Variants in BRINP1 observed in about 807,000 individuals in gnomAD.
BRINP1 encodes the protein BMP/retinoic acid-inducible neural-specific protein 1.
A neutral mutation model predicts 72.9 loss-of-function variants in BRINP1; 17 were observed. That is an observed-to-expected ratio of 0.23 (90% CI 0.16 to 0.35). BRINP1 has a LOEUF of 0.35. BRINP1 is among the 10% of genes least tolerant of loss of function. The pLI is 1.00. For synonymous variants in BRINP1, 418 were observed against 378.5 expected (o/e 1.10, Z -1.21); for missense variants, 850 against 1,001.6 (o/e 0.85, Z 2.04).
At chr9:119,348,350 A>C (rs1831469593) in intron 1 of BRINP1, among the ~76,000 whole-genome samples, 1 of 152,208 alleles carries the variant, frequency 6.6e-6, no homozygotes, top group Admixed American at 6.5e-5. Context: ...ACAGTTTATC[A>C]GTTTACCTAT....
intron 1 of BRINP1, among the ~76,000 whole-genome samples, chr9:119,315,615 T>TTTA (rs1831117115): frequency 6.6e-6 from 1 of 152,086 alleles, no homozygotes; most frequent in Non-Finnish European, 1.5e-5. Context: ...CATCTCTCAC[T>TTTA]TTAAATCAAA....
At chr9:119,305,028 C>T (rs1830980622) in intron 2 of BRINP1, among the ~76,000 whole-genome samples, 1 of 152,218 alleles carries the variant, frequency 6.6e-6, no homozygotes, top group Non-Finnish European at 1.5e-5. Context: ...ATTGCAAACT[C>T]TGCTAATCAC....
chr9:119,336,304 C>A (rs909957033), intron 1 of BRINP1, among the ~76,000 whole-genome samples: 7 of 152,168 alleles, frequency 4.6e-5, no homozygotes, highest in Admixed American at 4.6e-4. Context: ...CCTCCTCCTG[C>A]ATATGGTTTT....
intron 7 of BRINP1, among the ~76,000 whole-genome samples, chr9:119,181,106 A>G (rs1453438758): frequency 6.6e-6 from 1 of 152,156 alleles, no homozygotes; most frequent in Non-Finnish European, 1.5e-5. Flanking sequence ...GCTGAAGACA[A>G]GTGAAGGAAG....
rs546674388 is a variant in BRINP1 at position 119,295,231 on chromosome 9, C to T, written c.218+17907G>A. 6.6e-5 allele frequency among the ~76,000 whole-genome samples: 10 copies of T among 151,562 alleles called. No homozygotes were observed. In the East Asian group the frequency reaches 1.6e-3, roughly 24 times the overall value. ...CTAATTTTTGCATTTTTGGTAGAGG[C>T]GGGGTTTCATTTATGTTGCCTAGGC... On this transcript the variant is annotated intron_variant, in intron 2 of 7. Coordinates refer to ENST00000265922, the MANE Select transcript of BRINP1 (RefSeq NM_014618.3).
intron 2 of BRINP1, among the ~76,000 whole-genome samples, chr9:119,256,012 T>TGA (rs573966479): frequency 1.3e-5 from 2 of 148,988 alleles, no homozygotes; most frequent in South Asian, 4.3e-4. Context: ...ACTGGCTCTG[T>TGA]GCTCTTGGGA....
chr9:119,345,506 C>T (rs1831440689), intron 1 of BRINP1, among the ~76,000 whole-genome samples: 1 of 152,130 alleles, frequency 6.6e-6, no homozygotes, highest in Non-Finnish European at 1.5e-5. Context: ...GTGATTTCAC[C>T]TCTTTGCTAC....
intron 7 of BRINP1, among the ~76,000 whole-genome samples, chr9:119,204,085 G>GGA (rs1263435990): frequency 2.0e-5 from 3 of 152,164 alleles, no homozygotes; most frequent in Non-Finnish European, 4.4e-5. Context: ...CAGTCCCCGT[G>GGA]GAGAGGTCCT....
chr9:119,291,487 C>G (rs1403548586), intron 2 of BRINP1, among the ~76,000 whole-genome samples: 1 of 152,126 alleles, frequency 6.6e-6, no homozygotes, highest in Non-Finnish European at 1.5e-5. Flanking sequence ...TATTAAATAC[C>G]TTTTCTTACT....
chr9:119,341,450 GA>G (rs1237157334), intron 1 of BRINP1, among the ~76,000 whole-genome samples: 1 of 152,152 alleles, frequency 6.6e-6, no homozygotes, highest in Non-Finnish European at 1.5e-5. Context: ...TTGACTTTGA[GA>G]GTTTAGGATG....
chr9:119,261,969 T>G (rs896705353), intron 2 of BRINP1, among the ~76,000 whole-genome samples: 3 of 152,118 alleles, frequency 2.0e-5, no homozygotes, highest in African/African-American at 7.2e-5. Context: ...AAATAATATC[T>G]CTTTTACAAT....
chr9:119,273,089 G>T (rs113586111), intron 2 of BRINP1, among the ~76,000 whole-genome samples: 4 of 152,198 alleles, frequency 2.6e-5, no homozygotes, highest in African/African-American at 7.2e-5. Context: ...CACTGCACAG[G>T]AATAAGAAAC....
At chr9:119,255,834 A>G (rs565781874) in intron 2 of BRINP1, among the ~76,000 whole-genome samples, 1 of 152,030 alleles carries the variant, frequency 6.6e-6, no homozygotes, top group Non-Finnish European at 1.5e-5. Context: ...ATGCGCCTGT[A>G]GTCCCAGCTA....
At chr9:119,265,761 A>T (rs1182817287) in intron 2 of BRINP1, among the ~76,000 whole-genome samples, 2 of 152,146 alleles carry the variant, frequency 1.3e-5, no homozygotes, top group African/African-American at 4.8e-5. Flanking sequence ...TCAAGCGTAC[A>T]TGGGCAGGTT....
chr9:119,366,503 CGTGTGTGTGTGTGTGT>C lies in BRINP1; in HGVS notation c.-51+2537_-51+2552del, dbSNP rs3983901. Among the ~76,000 whole-genome samples the C allele has an allele frequency of 8.3e-3, 1,133 of 136,298 alleles. 44 individuals are homozygous for C. The highest frequency in any genetic ancestry group is 0.025 in the African/African-American group (875 of 35,628). 89.4% of individuals were successfully genotyped at this position (136,298 alleles called of 152,430 possible). A position where few individuals can be genotyped will look rare whatever the true frequency, so the allele number is the denominator to read the frequency against. Reference sequence around the variant, plus strand: ...TCTCTCTCAGTCCTCCCCCCACCACCGTGTGTGTGTGTGTGTGTGTGTGTGTGTGTGTGTGTGTGTG... The same window carrying C: ...TCTCTCTCAGTCCTCCCCCCACCACCGTGTGTGTGTGTGTGTGTGTGTGTG... On this transcript the variant is annotated intron_variant, in intron 1 of 7. Coordinates refer to ENST00000265922, the MANE Select transcript of BRINP1 (RefSeq NM_014618.3).
At chr9:119,348,149 A>G (rs1831468061) in intron 1 of BRINP1, among the ~76,000 whole-genome samples, 1 of 152,198 alleles carries the variant, frequency 6.6e-6, no homozygotes, top group Non-Finnish European at 1.5e-5. Flanking sequence ...TTCTCCCTTG[A>G]TAACTACTGA....
At chr9:119,315,183 T>C (rs1162966120) in intron 1 of BRINP1, among the ~76,000 whole-genome samples, 1 of 152,196 alleles carries the variant, frequency 6.6e-6, no homozygotes. Flanking sequence ...CTTCACTTTA[T>C]TGAGATTTGC....
chr9:119,313,346 T>C lies in BRINP1; in HGVS notation c.10A>G (p.Arg4Gly). 6.2e-7 allele frequency: 1 copy of C among 1,613,632 alleles called. No individual in the cohort carries two copies. MNW[R>G]FVELLYFLFI... Reference sequence around the variant, plus strand: ...AGGAAGTAGAGGAGCTCAACAAACCTCCAGTTCATGCTTTTCTGCCGGCCT... The same window carrying C: ...AGGAAGTAGAGGAGCTCAACAAACCCCCAGTTCATGCTTTTCTGCCGGCCT... Residue 4 changes from arginine to glycine, a missense_variant, in exon 2 of 8, where the codon AGG (arginine) becomes GGG (glycine). Arg to Gly is a moderately radical substitution (Grantham distance 125). Transcript: ENST00000265922.
chr9:119,293,451 A>G (rs1322774074), intron 2 of BRINP1, among the ~76,000 whole-genome samples: 3 of 152,196 alleles, frequency 2.0e-5, no homozygotes, highest in Non-Finnish European at 4.4e-5. Context: ...AGTGTTGCAA[A>G]AGCACCAGCG....
Sources: allele counts gnomAD v4.1 joint callset (sites outside exome capture counted in the v4.1 genomes callset), GRCh38; gene constraint gnomAD v4.1.1; transcripts MANE v1.5; gene names NCBI Gene and HGNC (gene_info 2026-07-23, HGNC 2026-07-21).